CORO7: variants seen among roughly 807,000 people sequenced by gnomAD.
CORO7 encodes coronin-7.
In CORO7, 107 loss-of-function variants were observed where a neutral mutation model predicts 126.6. The observed-to-expected ratio is 0.85, with a 90% confidence interval of 0.72 to 0.99. The LOEUF (loss-of-function observed/expected upper bound fraction) is 0.99. Ranked by LOEUF, CORO7 falls within the 50% of genes least tolerant of loss-of-function variation. The pLI is 0.00. For missense variants in CORO7, 1,314 were observed against 1,255.8 expected (o/e 1.05, Z -0.70); for synonymous variants, 603 against 536.8 (o/e 1.12, Z -1.70).
In CORO7 at chr16:4,359,603, C is replaced by T. The variant is rs2054093599; in HGVS notation, c.2127G>A (p.Leu709=). ...SGFDSQSERQ[L]LLYEAEALAG... is the part of the protein sequence containing the mutation. ...CCAGGGCCTCAGCTTCATATAGGAG[C>T]AGCTGGCGCTCACTTTGGCTGCAAG... is the stretch of plus-strand genomic sequence containing the variant. Residue 709 remains leucine (L), a synonymous_variant, in exon 22 of 28, where the codon CTG becomes CTA. Coordinates refer to ENST00000251166, the MANE Select transcript of CORO7 (RefSeq NM_024535.5). 2 of 1,602,694 alleles carry T rather than the reference C, an allele frequency of 1.2e-6. No individual in the cohort carries two copies. The highest frequency in any genetic ancestry group is 2.2e-5 in the East Asian group (1 of 44,668).
chr16:4,357,865 G>A (rs1465216659), intron 25 of CORO7, 103 bp downstream of exon 25: 1 of 1,512,144 alleles, frequency 6.6e-7, no homozygotes, highest in Admixed American at 2.1e-5. Flanking sequence ...CCAAAGGCCA[G>A]AGGATTCTGC....
intron 6 of CORO7, among the ~76,000 whole-genome samples, chr16:4,404,271 C>G (rs2055916564): frequency 6.6e-6 from 1 of 152,184 alleles, no homozygotes; most frequent in African/African-American, 2.4e-5. Context: ...CGGCACACCT[C>G]CAGAAGGGCC....
At chr16:4,382,874 C>T (rs1243017439) in intron 9 of CORO7, 1 of 1,553,646 alleles carries the variant, frequency 6.4e-7, no homozygotes, top group Non-Finnish European at 8.7e-7. Context: ...CTCCAGTCAC[C>T]CCTCCACGCA....
rs1368270856 is a variant in CORO7, at chr16:4,388,537, C to A, written c.702+8G>T. On this transcript the variant is annotated splice_region_variant and intron_variant, in intron 8 of 27. Coordinates refer to ENST00000251166, the MANE Select transcript of CORO7 (RefSeq NM_024535.5). ...CCGTGCCCTGCTCCTCCAGGAGGAA[C>A]CCCCTACCTGGTTGAATCCAGTAGA... The A allele has an allele frequency of 3.8e-5, 62 of 1,610,974 alleles. 1 individual carries two copies. In the Admixed American group the frequency reaches 1.0e-3, roughly 27 times the overall value.
intron 9 of CORO7, among the ~76,000 whole-genome samples, chr16:4,367,810 G>C (rs1338703918): frequency 6.6e-6 from 1 of 152,106 alleles, no homozygotes; most frequent in Non-Finnish European, 1.5e-5. Flanking sequence ...TGGGCAGGTG[G>C]AGGCTAGACG....
At chr16:4,381,805 G>C (rs762546570) in intron 9 of CORO7, 3 of 1,600,484 alleles carry the variant, frequency 1.9e-6, no homozygotes, top group Non-Finnish European at 2.5e-6. Context: ...GAGCTGGTTT[G>C]GCCCCTGGGT....
chr16:4,383,545 G>C (rs1034366138), intron 9 of CORO7: 1 of 166,926 alleles, frequency 6.0e-6, no homozygotes, highest in South Asian at 2.1e-4. Context: ...CTCAGCCCCA[G>C]GGTAGAAGGG....
intron 5 of CORO7, among the ~76,000 whole-genome samples, chr16:4,407,118 T>C (rs1170277519): frequency 1.3e-5 from 2 of 151,776 alleles, no homozygotes; most frequent in African/African-American, 4.8e-5. Flanking sequence ...CGGCTAATTT[T>C]TGTATATTTA....
chr16:4,370,171 CT>C (rs898554333), intron 9 of CORO7, among the ~76,000 whole-genome samples: 1 of 152,204 alleles, frequency 6.6e-6, no homozygotes, highest in African/African-American at 2.4e-5. Flanking sequence ...ACCCCTGACC[CT>C]GGGCATCTGT....
intron 7 of CORO7, among the ~76,000 whole-genome samples, 172 bp downstream of exon 7, chr16:4,395,117 C>T (rs1328387475): frequency 6.6e-6 from 1 of 152,208 alleles, no homozygotes; most frequent in Non-Finnish European, 1.5e-5. Flanking sequence ...ACCCACAACA[C>T]ACTTCACAGG....
chr16:4,380,130 C>T (rs2054900485), intron 9 of CORO7, among the ~76,000 whole-genome samples: 1 of 152,058 alleles, frequency 6.6e-6, no homozygotes, highest in African/African-American at 2.4e-5. Context: ...CCTGGGGCTG[C>T]CATGTAGCCA....
At chr16:4,398,967 C>CAAAAAA (rs60502616) in intron 6 of CORO7, among the ~76,000 whole-genome samples, 1 of 62,074 alleles carries the variant, frequency 1.6e-5, no homozygotes. Flanking sequence ...GACTCCGTCT[C>CAAAAAA]AAAAAAAAAA....
chr16:4,402,241 T>TTTGTTG (rs148154433), intron 6 of CORO7, among the ~76,000 whole-genome samples: 4 of 144,540 alleles, frequency 2.8e-5, no homozygotes, highest in African/African-American at 5.1e-5. Context: ...CCCGGCCAGT[T>TTTGTTG]TTGTTGTTGT....
chr16:4,399,506 G>A (rs1484417402), intron 6 of CORO7, among the ~76,000 whole-genome samples: 2 of 152,126 alleles, frequency 1.3e-5, no homozygotes, highest in African/African-American at 2.4e-5. Flanking sequence ...TAGGGCAAAG[G>A]GGAACTGCTG....
chr16:4,416,561 C>A lies in CORO7; in HGVS notation c.-43G>T. On this transcript the variant is annotated 5_prime_UTR_variant, in exon 1 of 28. Transcript: ENST00000251166. ...CGGACGCGTCTTCGAGGACCCCGGG[C>A]GTCGGGTCTCAGGTGCACGCTGAGC... is the stretch of plus-strand genomic sequence containing the variant. The A allele has an allele frequency of 1.3e-6, 2 of 1,569,988 alleles. No individual in the cohort carries two copies. The highest frequency in any genetic ancestry group is 1.7e-6 in the Non-Finnish European group (2 of 1,161,980).
chr16:4,406,384 C>G (rs1213595993), intron 5 of CORO7, among the ~76,000 whole-genome samples: 2 of 152,168 alleles, frequency 1.3e-5, no homozygotes, highest in African/African-American at 4.8e-5. Context: ...CAGCTTTCAC[C>G]TCCTGGGTTC....
At chr16:4,398,462 T>A (rs2055680436) in intron 6 of CORO7, among the ~76,000 whole-genome samples, 1 of 151,642 alleles carries the variant, frequency 6.6e-6, no homozygotes, top group Admixed American at 6.6e-5. Context: ...GGTAAGGAGC[T>A]CGAGACGAGC....
intron 26 of CORO7, 144 bp from the exon 27 acceptor site, chr16:4,355,516 T>G (rs2053949705): frequency 1.2e-6 from 1 of 838,134 alleles, no homozygotes; most frequent in African/African-American, 1.7e-5. Context: ...CCAGGCTGGA[T>G]GGAGTGCAGT....
rs1451842470 is a variant in CORO7 at position 4,356,385 on chromosome 16, A to G, written c.2685+783T>C. The stretch of plus-strand genomic sequence containing the variant: ...GCTGGGATTACAGGTGTGAACCACC[A>G]TGCCTGGCCAAAAGAGCCACTATAT... On this transcript the variant is annotated intron_variant, in intron 26 of 27. Transcript: ENST00000251166. The G allele has an allele frequency of 2.0e-5, 3 of 152,334 alleles. 1 individual carries two copies. The highest frequency in any genetic ancestry group is 2.0e-4 in the Admixed American group (3 of 15,294). 9.4% of individuals were successfully genotyped at this position (152,334 alleles called of 1,614,324 possible).
Sources: allele counts gnomAD v4.1 joint callset (sites outside exome capture counted in the v4.1 genomes callset), GRCh38; gene constraint gnomAD v4.1.1; transcripts MANE v1.5; gene names NCBI Gene and HGNC (gene_info 2026-07-23, HGNC 2026-07-21).